Variants in ZBTB40 observed in about 807,000 individuals in gnomAD.
ZBTB40 encodes zinc finger and BTB domain containing 40.
Under a neutral mutation model 117.5 loss-of-function variants are expected in ZBTB40, and 60 were observed. The ratio of observed to expected loss-of-function variants is 0.51; its 90% CI spans 0.41 to 0.63. The LOEUF is 0.63. Among genes scored for constraint, ZBTB40 ranks in the 30% least tolerant of loss-of-function variants. The pLI is 0.00. For synonymous variants in ZBTB40, 525 were observed against 577.1 expected (o/e 0.91, Z 1.29); for missense variants, 1,287 against 1,498.5 (o/e 0.86, Z 2.33).
intron 5 of ZBTB40, among the ~76,000 whole-genome samples, chr1:22,502,822 G>A (rs1209318558): frequency 6.6e-6 from 1 of 152,100 alleles, no homozygotes; most frequent in African/African-American, 2.4e-5. Context: ...AAAATGTTAA[G>A]GAAATTTTGT....
At chr1:22,520,353 T>G in intron 14 of ZBTB40, 78 bp downstream of exon 14, 7 of 1,208,336 alleles carry the variant, frequency 5.8e-6, no homozygotes, top group Non-Finnish European at 8.4e-6. Context: ...ATGCCCGGGT[T>G]GGTGGCTTGC....
intron 13 of ZBTB40, 84 bp downstream of exon 13, chr1:22,517,548 A>G: frequency 3.3e-6 from 5 of 1,516,376 alleles, no homozygotes; most frequent in South Asian, 1.3e-5. Context: ...GTGTCAATCC[A>G]TCAGACCCAA....
chr1:22,442,319 C>T (rs931856658), intron 1 of ZBTB40, among the ~76,000 whole-genome samples: 2 of 151,996 alleles, frequency 1.3e-5, no homozygotes, highest in African/African-American at 4.8e-5. Context: ...AGAGAGAGAC[C>T]CAAGGTCAGG....
intron 1 of ZBTB40, among the ~76,000 whole-genome samples, chr1:22,434,853 G>A (rs1640649618): frequency 6.6e-6 from 1 of 151,964 alleles, no homozygotes; most frequent in Non-Finnish European, 1.5e-5. Context: ...CACATTCTTT[G>A]TTGCTTGTTT....
intron 12 of ZBTB40, among the ~76,000 whole-genome samples, chr1:22,515,424 C>CT (rs1227713834): frequency 6.6e-6 from 1 of 152,200 alleles, no homozygotes; most frequent in Non-Finnish European, 1.5e-5. Flanking sequence ...CAAATATACT[C>CT]TTTTACCATT....
upstream of ZBTB40, chr1:22,451,746 G>GCCCCCCGCCGTC (rs59287834): frequency 6.6e-6 from 1 of 151,986 alleles, no homozygotes; most frequent in South Asian, 2.1e-4. Context: ...CAACCAGCCG[G>GCCCCCCGCCGTC]CCCCCGCCGT....
chr1:22,478,434 A>C (rs557995210), intron 1 of ZBTB40, among the ~76,000 whole-genome samples: 3 of 152,076 alleles, frequency 2.0e-5, no homozygotes, highest in Non-Finnish European at 2.9e-5. Context: ...TTTTTAGTAG[A>C]GACGGGGTTT....
intron 1 of ZBTB40, among the ~76,000 whole-genome samples, chr1:22,478,429 A>C (rs191557724): frequency 6.6e-6 from 1 of 152,150 alleles, no homozygotes; most frequent in African/African-American, 2.4e-5. Context: ...TTATATTTTT[A>C]GTAGAGACGG....
chr1:22,447,426 C>T (rs2124371409), upstream of ZBTB40, among the ~76,000 whole-genome samples: 1 of 152,230 alleles, frequency 6.6e-6, no homozygotes, highest in East Asian at 1.9e-4. Flanking sequence ...AGAGAGATGT[C>T]TGTGACAATT....
chr1:22,510,925 C>T (rs1020283538), intron 9 of ZBTB40, among the ~76,000 whole-genome samples: 1 of 152,122 alleles, frequency 6.6e-6, no homozygotes, highest in Admixed American at 6.5e-5. Flanking sequence ...ATGCTTTATG[C>T]TTCCCTGCAT....
At chr1:22,455,425 G>T (rs574400635) in intron 1 of ZBTB40, among the ~76,000 whole-genome samples, 1 of 152,240 alleles carries the variant, frequency 6.6e-6, no homozygotes, top group African/African-American at 2.4e-5. Flanking sequence ...GAACAGCATG[G>T]CAGGTTTCGC....
intron 2 of ZBTB40, 24 bp from the exon 3 acceptor site, chr1:22,491,376 T>C: frequency 6.2e-7 from 1 of 1,612,602 alleles, no homozygotes; most frequent in Middle Eastern, 1.8e-4. Context: ...ATTTCTGATT[T>C]GTTTTATTTT....
rs1399137248 is a variant in ZBTB40, at chr1:22,529,870, G to C, written c.*3474G>C. 1 of 152,102 alleles carries C rather than the reference G, an allele frequency of 6.6e-6. No individual in the cohort carries two copies. Among genetic ancestry groups the C allele is most frequent in the Non-Finnish European group, 1.5e-5 (1 of 68,028 alleles). 9.4% of individuals were successfully genotyped at this position (152,102 alleles called of 1,614,324 possible). A position where few individuals can be genotyped will look rare whatever the true frequency, so the allele number is the denominator to read the frequency against. ...GGGCTGAGGGGTGAAAAGAAATCCA[G>C]TCAGACAGACAGTGGGGAGACAGGT... On this transcript the variant is annotated 3_prime_UTR_variant, in exon 18 of 18. Transcript: ENST00000375647.
intron 1 of ZBTB40, among the ~76,000 whole-genome samples, chr1:22,464,032 C>A (rs1186188935): frequency 3.9e-5 from 6 of 152,228 alleles, no homozygotes; most frequent in Non-Finnish European, 8.8e-5. Flanking sequence ...AGTGGTGGGG[C>A]AGTGATCATG....
chr1:22,517,508 C>CTTG (rs1639404981), intron 13 of ZBTB40, 44 bp downstream of exon 13: 1 of 1,592,596 alleles, frequency 6.3e-7, no homozygotes, highest in Non-Finnish European at 8.6e-7. Flanking sequence ...GCCAGCCTGG[C>CTTG]ACTGGGAAAG....
At chr1:22,440,698 G>A (rs906607848) in intron 1 of ZBTB40, among the ~76,000 whole-genome samples, 4 of 151,516 alleles carry the variant, frequency 2.6e-5, no homozygotes, top group Non-Finnish European at 5.9e-5. Flanking sequence ...AGGGTGTTAT[G>A]TTTTGTCAAA....
At chr1:22,516,321 G>A (rs1365732914) in intron 12 of ZBTB40, among the ~76,000 whole-genome samples, 1 of 152,188 alleles carries the variant, frequency 6.6e-6, no homozygotes, top group Non-Finnish European at 1.5e-5. Context: ...CCTATTTGAT[G>A]CATTGGGAGA....
At position 22,490,621 on chromosome 1, in the gene ZBTB40, G is replaced by A. The variant is rs6659222; in HGVS notation, c.673G>A (p.Ala225Thr). ...PSPAVQTFSE[A>T]KKTSTEPGCE... ...CCCTGCTGTGCAAACCTTTAGTGAGGCAAAGAAGACAAGCACAGAACCAGG... is the reference window on the plus strand; with the variant it reads ...CCCTGCTGTGCAAACCTTTAGTGAGACAAAGAAGACAAGCACAGAACCAGG... Residue 225 changes from alanine (A) to threonine (T), a missense_variant, in exon 2 of 18, where the codon GCA becomes ACA. Coordinates refer to ENST00000375647, the MANE Select transcript of ZBTB40 (RefSeq NM_014870.4). 0.016 allele frequency: 25,027 copies of A among 1,613,686 alleles called. 274 individuals carry two copies. Among genetic ancestry groups the A allele is most frequent in the Non-Finnish European group, 0.018 (20,860 of 1,180,004 alleles).
intron 3 of ZBTB40, among the ~76,000 whole-genome samples, chr1:22,492,068 C>G (rs144255956): frequency 1.3e-5 from 2 of 152,244 alleles, no homozygotes; most frequent in African/African-American, 4.8e-5. Context: ...TTAATTTTCA[C>G]AAAAATCATC....
Sources: allele counts gnomAD v4.1 joint callset (sites outside exome capture counted in the v4.1 genomes callset), GRCh38; gene constraint gnomAD v4.1.1; transcripts MANE v1.5; gene names NCBI Gene and HGNC (gene_info 2026-07-23, HGNC 2026-07-21).